The following KCNJ13 variants were observed in gnomAD, a reference collection of about 807,000 sequenced individuals.
KCNJ13 encodes inward rectifier potassium channel 13.
KCNJ13 carries 9 observed loss-of-function variants against 24.6 expected under a neutral mutation model. The observed-to-expected ratio is 0.37, with a 90% CI of 0.22 to 0.64. KCNJ13 has a LOEUF of 0.64. Among genes scored for constraint, KCNJ13 ranks in the 30% least tolerant of loss-of-function variants. The pLI, the probability that KCNJ13 is intolerant of heterozygous loss-of-function variation, is 0.64. For missense variants in KCNJ13, 337 were observed against 443.8 expected (o/e 0.76, Z 2.16); for synonymous variants, 148 against 154.7 (o/e 0.96, Z 0.32).
At chr2:232,770,676 T>C (rs1402520360) in intron 2 of KCNJ13, among the ~76,000 whole-genome samples, 1 of 152,112 alleles carries the variant, frequency 6.6e-6, no homozygotes, top group Non-Finnish European at 1.5e-5. Flanking sequence ...TCTTAAGTAG[T>C]TACAGTAAGT....
chr2:232,767,174 A>G lies in KCNJ13; in HGVS notation c.*1017T>C, dbSNP rs1699003800. 6.6e-6 allele frequency: 1 copy of G among 152,160 alleles called. No homozygotes were observed. The highest frequency in any genetic ancestry group is 2.1e-4 in the South Asian group (1 of 4,834). The allele number at this position is 152,160 out of a possible 1,614,324, so 9.4% of individuals were successfully genotyped here. A position where few individuals can be genotyped will look rare whatever the true frequency, so the allele number is the denominator to read the frequency against. On this transcript the variant is annotated 3_prime_UTR_variant, in exon 3 of 3. Transcript: ENST00000233826. ...CACTGATTTTGTGTTTATAGAAAAAACTATTTGAAGTTGGAAACAGGAATT... is the reference window on the plus strand; with the variant it reads ...CACTGATTTTGTGTTTATAGAAAAAGCTATTTGAAGTTGGAAACAGGAATT...
At chr2:232,775,944 A>G (rs911532457) in intron 1 of KCNJ13, among the ~76,000 whole-genome samples, 4 of 152,184 alleles carry the variant, frequency 2.6e-5, no homozygotes, top group Admixed American at 2.0e-4. Context: ...CAGAGATTCT[A>G]TTTTAATTTC....
rs779533933 is a variant in KCNJ13, at chr2:232,776,504, C to G, written c.-76G>C. 27 of 1,340,140 alleles carry G rather than the reference C, an allele frequency of 2.0e-5. No individual in the cohort carries two copies. In the African/African-American group the frequency reaches 3.8e-4, roughly 19 times the overall value. The allele number at this position is 1,340,140 out of a possible 1,614,324, so 83.0% of individuals were successfully genotyped here. ...TAGGTCTTAAGGAAATTTACAGAGT[C>G]TGCCTTTTTGATCAGATAATTTTAA... On this transcript the variant is annotated 5_prime_UTR_variant, in exon 1 of 3. Coordinates refer to ENST00000233826, the MANE Select transcript of KCNJ13 (RefSeq NM_002242.4).
chr2:232,774,289 G>C (rs1699417368), intron 1 of KCNJ13, among the ~76,000 whole-genome samples: 1 of 152,282 alleles, frequency 6.6e-6, no homozygotes, highest in Admixed American at 6.5e-5. Flanking sequence ...TTGTTCAAGA[G>C]CCGCTCCAGA....
At chr2:232,771,914 A>G (rs1361799030) in intron 1 of KCNJ13, among the ~76,000 whole-genome samples, 1 of 152,210 alleles carries the variant, frequency 6.6e-6, no homozygotes, top group Non-Finnish European at 1.5e-5. Flanking sequence ...CAAGGCTTAC[A>G]TTTGTGGTAA....
intron 1 of KCNJ13, among the ~76,000 whole-genome samples, chr2:232,773,594 G>T (rs940626908): frequency 6.6e-6 from 1 of 151,872 alleles, no homozygotes; most frequent in Non-Finnish European, 1.5e-5. Context: ...TGCCTTTCTT[G>T]CCCCTGAAAC....
chr2:232,767,945 T>G lies in KCNJ13; in HGVS notation c.*246A>C, dbSNP rs1028373805. The G allele has an allele frequency of 2.8e-5, 14 of 492,568 alleles. No homozygotes were observed. Among genetic ancestry groups the G allele is most frequent in the Non-Finnish European group, 4.4e-5 (12 of 273,196 alleles). The allele number at this position is 492,568 out of a possible 1,614,324, so 30.5% of individuals were successfully genotyped here. A position where few individuals can be genotyped will look rare whatever the true frequency, so the allele number is the denominator to read the frequency against. ...ATTCTTATAAATTCACCAGCAACAT[T>G]TCTGTATAAGTGTCTGTCAAGTTGA... On this transcript the variant is annotated 3_prime_UTR_variant, in exon 3 of 3. Coordinates refer to ENST00000233826, the MANE Select transcript of KCNJ13 (RefSeq NM_002242.4).
intron 1 of KCNJ13, 72 bp downstream of exon 1, chr2:232,776,373 G>T: frequency 8.9e-7 from 1 of 1,117,938 alleles, no homozygotes; most frequent in Admixed American, 1.9e-5. Context: ...TAGCTCTGTT[G>T]CTATTTGCCA....
rs1376244536 is a variant in KCNJ13 at position 232,766,824 on chromosome 2, C to G, written c.*1367G>C. 3.9e-5 allele frequency: 6 copies of G among 152,178 alleles called. No individual in the cohort carries two copies. The highest frequency in any genetic ancestry group is 1.4e-4 in the African/African-American group (6 of 41,444). 9.4% of individuals were successfully genotyped at this position (152,178 alleles called of 1,614,324 possible). On this transcript the variant is annotated 3_prime_UTR_variant, in exon 3 of 3. Coordinates refer to ENST00000233826, the MANE Select transcript of KCNJ13 (RefSeq NM_002242.4). The stretch of plus-strand genomic sequence containing the variant: ...ATTTATTTCAAGAGATGATTCCTGC[C>G]TAGGTCATCACCAGTGGGGAAGGTT...
At position 232,771,349 on chromosome 2, in the gene KCNJ13, T is replaced by C; in HGVS notation, c.14A>G (p.Asn5Ser). The C allele has an allele frequency of 6.2e-7, 1 of 1,612,238 alleles. No homozygotes were observed. Among genetic ancestry groups the C allele is most frequent in the Non-Finnish European group, 8.5e-7 (1 of 1,178,744 alleles). Residue 5 changes from asparagine (N) to serine (S), a missense_variant, in exon 2 of 3, where the codon AAT becomes AGT. Transcript: ENST00000233826. Reference sequence around the variant, plus strand: ...TAGGAGAGGAGCAATAACTTTGCAATTACTGCTGTCCATCTCAGGCTGTAT... The same window carrying C: ...TAGGAGAGGAGCAATAACTTTGCAACTACTGCTGTCCATCTCAGGCTGTAT... MDSS[N>S]CKVIAPLLSQ...
At chr2:232,768,909 C>T in intron 2 of KCNJ13, 96 bp from the exon 3 acceptor site, 1 of 1,110,094 alleles carries the variant, frequency 9.0e-7, no homozygotes, top group African/African-American at 1.6e-5. Context: ...TTACACATTT[C>T]TTGGTGCCAT....
Position 232,769,505 on chromosome 2 carries a change from CAA to C in KCNJ13, c.461-694_461-693del, listed in dbSNP as rs34912964. ...TGGGCAACAGAGGAAGACTCCATCT[CAA>C]AAAAAAAAAAAAAAAAAAAAGTGAT... On this transcript the variant is annotated intron_variant, in intron 2 of 2. Transcript: ENST00000233826. Among the ~76,000 whole-genome samples, 548 of 66,496 alleles carry C rather than the reference CAA, an allele frequency of 8.2e-3. 3 individuals carry two copies. Among genetic ancestry groups the C allele is most frequent in the African/African-American group, 0.025 (513 of 20,570 alleles). The allele number at this position is 66,496 out of a possible 152,430, so 43.6% of individuals were successfully genotyped here.
chr2:232,768,879 G>A, intron 2 of KCNJ13, 66 bp from the exon 3 acceptor site: 1 of 1,367,916 alleles, frequency 7.3e-7, no homozygotes, highest in Admixed American at 2.1e-5. Flanking sequence ...TTTTCTGAAT[G>A]ACAAGTGTAT....
intron 1 of KCNJ13, among the ~76,000 whole-genome samples, chr2:232,775,745 G>C (rs535608034): frequency 9.2e-5 from 14 of 152,296 alleles, no homozygotes; most frequent in Admixed American, 3.3e-4. Flanking sequence ...ATAAAAAATA[G>C]TATAGTTCAT....
intron 1 of KCNJ13, among the ~76,000 whole-genome samples, chr2:232,773,494 G>A (rs1460720840): frequency 9.2e-5 from 14 of 151,944 alleles, no homozygotes; most frequent in Admixed American, 7.9e-4. Context: ...TACAGGAAGC[G>A]TTTGGTGAAA....
chr2:232,770,225 G>C (rs1163058119), intron 2 of KCNJ13, among the ~76,000 whole-genome samples: 1 of 152,124 alleles, frequency 6.6e-6, no homozygotes, highest in African/African-American at 2.4e-5. Flanking sequence ...TTATTGAATA[G>C]TATATTAAAG....
At chr2:232,772,885 T>C (rs546889342) in intron 1 of KCNJ13, among the ~76,000 whole-genome samples, 66 of 152,198 alleles carry the variant, frequency 4.3e-4, no homozygotes, top group Non-Finnish European at 7.3e-4. Flanking sequence ...CTCGGGACTT[T>C]GAGGCTTTGG....
rs745319511 is a variant in KCNJ13 at position 232,765,955 on chromosome 2, A to G, written c.*2236T>C. On this transcript the variant is annotated 3_prime_UTR_variant, in exon 3 of 3. Coordinates refer to ENST00000233826, the MANE Select transcript of KCNJ13 (RefSeq NM_002242.4). ...TTCCTGATCATGTGTGCAAGACTTC[A>G]TGACCAAGCTCCCAGATGATCCAGG... 5.9e-5 allele frequency: 28 copies of G among 471,046 alleles called. No individual in the cohort carries two copies. The highest frequency in any genetic ancestry group is 1.1e-4 in the Non-Finnish European group (25 of 227,038). The allele number at this position is 471,046 out of a possible 1,614,324, so 29.2% of individuals were successfully genotyped here.
Position 232,768,105 on chromosome 2 carries a change from G to T in KCNJ13, c.*86C>A, listed in dbSNP as rs942173837. ...GATGTAGAGAGCTATAATTAGCATT[G>T]AAAAAAGAAAACATGAGATACAGTA... On this transcript the variant is annotated 3_prime_UTR_variant, in exon 3 of 3. Coordinates refer to ENST00000233826, the MANE Select transcript of KCNJ13 (RefSeq NM_002242.4). The T allele has an allele frequency of 2.9e-6, 4 of 1,379,268 alleles. No individual in the cohort carries two copies. The highest frequency in any genetic ancestry group is 4.1e-6 in the Non-Finnish European group (4 of 974,456). The allele number at this position is 1,379,268 out of a possible 1,614,324, so 85.4% of individuals were successfully genotyped here.
Sources: gnomAD v4.1 joint callset for allele counts (sites outside exome capture counted in the v4.1 genomes callset) on GRCh38, gnomAD v4.1.1 for gene constraint, MANE v1.5 for transcripts, NCBI Gene and HGNC (gene_info 2026-07-23, HGNC 2026-07-21) for gene names.